DMD: variants seen among roughly 807,000 people sequenced by gnomAD.
The protein encoded by DMD is dystrophin.
A neutral mutation model predicts 330.1 loss-of-function variants in DMD; 63 were observed. The observed-to-expected ratio is 0.19, with a 90% CI of 0.16 to 0.24. The LOEUF (loss-of-function observed/expected upper bound fraction) is 0.24, where lower values mean the gene tolerates loss of function less well. DMD is among the 10% of genes least tolerant of loss of function. The probability of loss-of-function intolerance (pLI) is 1.00; values close to 1 mark genes in which losing one functional copy is unlikely to be tolerated. For synonymous variants in DMD, 1,223 were observed against 959.8 expected, an observed-to-expected ratio of 1.27 and a Z score of -5.07; for missense variants, 3,344 against 2,684.1, an observed-to-expected ratio of 1.25 and a Z score of -5.43.
chrX:32,388,054 G>A (rs1449757347), intron 32 of DMD, among the ~76,000 whole-genome samples: 1 of 111,448 alleles, frequency 9.0e-6, no homozygotes, highest in Non-Finnish European at 1.9e-5. Flanking sequence ...CGTAAACAAT[G>A]AAAAAACTAA....
chrX:33,241,192 G>A (rs1217858928), intron 1 of DMD, among the ~76,000 whole-genome samples: 1 of 111,764 alleles, frequency 8.9e-6, no homozygotes, highest in Non-Finnish European at 1.9e-5. Context: ...ATAGTTTCAG[G>A]TCTTACGTTT....
chrX:33,303,524 T>C (rs2053699724), intron 1 of DMD, among the ~76,000 whole-genome samples: 1 of 111,117 alleles, frequency 9.0e-6, no homozygotes, highest in African/African-American at 3.3e-5. Context: ...CTTACTGATA[T>C]GGTTTGTCTG....
intron 41 of DMD, among the ~76,000 whole-genome samples, chrX:32,317,627 A>C (rs1386621190): frequency 1.8e-5 from 2 of 111,609 alleles, no homozygotes; most frequent in South Asian, 7.4e-4. Flanking sequence ...TTTCTCCTTT[A>C]AATGCATTGA....
At chrX:32,031,936 A>G (rs1164233804) in intron 44 of DMD, among the ~76,000 whole-genome samples, 1 of 112,171 alleles carries the variant, frequency 8.9e-6, no homozygotes, top group Non-Finnish European at 1.9e-5. Flanking sequence ...AAGCTCATGC[A>G]GAACTATTTT....
intron 53 of DMD, among the ~76,000 whole-genome samples, chrX:31,670,751 C>T (rs891051676): frequency 1.8e-5 from 2 of 111,637 alleles, no homozygotes; most frequent in African/African-American, 6.5e-5. Flanking sequence ...GCATTCTTCT[C>T]TCTGTGTATG....
chrX:32,752,547 C>G (rs1199458849), intron 7 of DMD, among the ~76,000 whole-genome samples: 5 of 104,736 alleles, frequency 4.8e-5, no homozygotes, highest in Non-Finnish European at 9.6e-5. Context: ...ATTGCCTTAT[C>G]TAGGATGACA....
At chrX:32,400,300 G>C (rs969054030) in intron 30 of DMD, among the ~76,000 whole-genome samples, 7 of 111,598 alleles carry the variant, frequency 6.3e-5, no homozygotes, top group African/African-American at 2.3e-4. Context: ...GCATCCCAAG[G>C]ATGAAGCCCA....
intron 17 of DMD, among the ~76,000 whole-genome samples, chrX:32,540,370 G>A (rs1363140445): frequency 7.2e-5 from 8 of 111,470 alleles, no homozygotes; most frequent in Non-Finnish European, 1.5e-4. Flanking sequence ...AATTATTTAG[G>A]AATCGACTAA....
intron 47 of DMD, among the ~76,000 whole-genome samples, chrX:31,894,081 C>A (rs1039693972): frequency 9.0e-6 from 1 of 111,494 alleles, no homozygotes; most frequent in Admixed American, 9.5e-5. Flanking sequence ...TGACATAGGC[C>A]TAAAATGTGG....
intron 22 of DMD, among the ~76,000 whole-genome samples, chrX:32,470,835 A>G (rs1569564250): frequency 1.8e-5 from 2 of 112,541 alleles, no homozygotes; most frequent in Middle Eastern, 4.6e-3. Context: ...ATTATCCAAA[A>G]AAAATTCTAT....
At position 32,468,714 on chromosome X, in the gene DMD, A is replaced by C. The variant is rs1285970429; in HGVS notation, c.2950-4T>G. On this transcript the variant is annotated splice_polypyrimidine_tract_variant and splice_region_variant and intron_variant, in intron 22 of 78. Coordinates refer to ENST00000357033, the MANE Select transcript of DMD (RefSeq NM_004006.3). ...CTTGCAGAGAACTTTGTAAAGCCTA[A>C]AAAACAATTTTTTAAATACATTTAC... 9.2e-6 allele frequency: 11 copies of C among 1,197,381 alleles called. No individual in the cohort carries two copies. Among genetic ancestry groups the C allele is most frequent in the African/African-American group, 1.8e-5 (1 of 56,930 alleles).
intron 17 of DMD, among the ~76,000 whole-genome samples, chrX:32,541,840 C>T (rs779225999): frequency 1.8e-5 from 2 of 111,235 alleles, no homozygotes; most frequent in African/African-American, 6.5e-5. Context: ...GCATTCAAAC[C>T]TCAGTAATTC....
intron 44 of DMD, among the ~76,000 whole-genome samples, chrX:32,041,424 C>T (rs2096001668): frequency 8.9e-6 from 1 of 112,348 alleles, no homozygotes; most frequent in Non-Finnish European, 1.9e-5. Flanking sequence ...GCCCATATGG[C>T]ATCTGTGGCT....
intron 61 of DMD, among the ~76,000 whole-genome samples, chrX:31,334,845 T>C (rs1455850786): frequency 8.9e-6 from 1 of 111,987 alleles, no homozygotes; most frequent in Non-Finnish European, 1.9e-5. Flanking sequence ...TTCCTTGGCT[T>C]CAGTCATACT....
At chrX:32,937,896 A>G (rs1328284817) in intron 2 of DMD, among the ~76,000 whole-genome samples, 3 of 111,252 alleles carry the variant, frequency 2.7e-5, no homozygotes, top group African/African-American at 9.8e-5. Context: ...GATGATGTCA[A>G]TTATTCAAAG....
chrX:33,094,443 T>C (rs779217531), intron 1 of DMD, among the ~76,000 whole-genome samples: 120 of 111,699 alleles, frequency 1.1e-3, no homozygotes, highest in Non-Finnish European at 2.0e-3. Context: ...AAGGAGTAGA[T>C]ACAGGGAGGA....
At chrX:31,899,553 A>G (rs756711788) in intron 47 of DMD, among the ~76,000 whole-genome samples, 11 of 111,251 alleles carry the variant, frequency 9.9e-5, no homozygotes, top group Non-Finnish European at 2.1e-4. Context: ...CGATACAACT[A>G]TTTAATATGA....
chrX:32,817,386 G>A (rs1406569225), intron 5 of DMD, among the ~76,000 whole-genome samples: 1 of 111,816 alleles, frequency 8.9e-6, no homozygotes, highest in Non-Finnish European at 1.9e-5. Context: ...CATAGGCTTC[G>A]TGCATGTGCA....
intron 55 of DMD, among the ~76,000 whole-genome samples, chrX:31,561,515 A>G (rs2075197616): frequency 8.9e-6 from 1 of 112,118 alleles, no homozygotes. Context: ...CTCCTTCAAC[A>G]GTGCTAGTTA....
Sources: gnomAD v4.1 joint callset for allele counts (sites outside exome capture counted in the v4.1 genomes callset) on GRCh38, gnomAD v4.1.1 for gene constraint, MANE v1.5 for transcripts, NCBI Gene and HGNC (gene_info 2026-07-23, HGNC 2026-07-21) for gene names.